The following DOCK7 variants were observed in gnomAD, a reference collection of about 807,000 sequenced individuals.
The protein encoded by DOCK7 is dedicator of cytokinesis protein 7.
A neutral mutation model predicts 271.0 loss-of-function variants in DOCK7; 138 were observed. The observed-to-expected ratio is 0.51, with a 90% CI of 0.44 to 0.59. DOCK7 has a LOEUF of 0.59. Among genes scored for constraint, DOCK7 ranks in the 20% least tolerant of loss-of-function variants. The probability of loss-of-function intolerance (pLI) is 0.00; values close to 1 mark genes in which losing one functional copy is unlikely to be tolerated. For missense variants in DOCK7, 2,066 were observed against 2,592.4 expected, an observed-to-expected ratio of 0.80 and a Z score of 4.41; for synonymous variants, 823 against 876.1, an observed-to-expected ratio of 0.94 and a Z score of 1.07.
chr1:62,598,902 G>A lies in DOCK7; in HGVS notation c.1683-12278C>T, dbSNP rs1022313444. On this transcript the variant is annotated intron_variant, in intron 14 of 49. Transcript: ENST00000635253. ...TTTACAAGCTTTAACTGGATCATGAGTAAAATTATCACATCAGCATAACTG... is the reference window on the plus strand; with the variant it reads ...TTTACAAGCTTTAACTGGATCATGAATAAAATTATCACATCAGCATAACTG... The A allele has an allele frequency of 7.7e-6, 6 of 780,010 alleles. No homozygotes were observed. The African/African-American group carries it at 1.0e-4, about 14-fold the overall frequency. The allele number at this position is 780,010 out of a possible 1,614,324, so 48.3% of individuals were successfully genotyped here.
intron 6 of DOCK7, 93 bp from the exon 7 acceptor site, chr1:62,647,869 T>C: frequency 2.0e-6 from 2 of 988,916 alleles, no homozygotes; most frequent in Non-Finnish European, 3.1e-6. Context: ...CTAACACTTT[T>C]AGTCTTCACA....
intron 48 of DOCK7, among the ~76,000 whole-genome samples, chr1:62,472,771 G>T (rs962102040): frequency 6.6e-6 from 1 of 152,176 alleles, no homozygotes; most frequent in African/African-American, 2.4e-5. Context: ...CAGTTCACCT[G>T]CTAAATACTT....
At chr1:62,564,372 C>T (rs923465113) in intron 18 of DOCK7, among the ~76,000 whole-genome samples, 3 of 152,096 alleles carry the variant, frequency 2.0e-5, no homozygotes, top group Admixed American at 6.6e-5. Flanking sequence ...TCTCTCAGAC[C>T]ACAGTGCAAT....
At chr1:62,669,931 G>C (rs573657563) in intron 1 of DOCK7, among the ~76,000 whole-genome samples, 1 of 152,258 alleles carries the variant, frequency 6.6e-6, no homozygotes, top group Non-Finnish European at 1.5e-5. Flanking sequence ...CGGCACTTGC[G>C]GGCCAGCTGG....
intron 1 of DOCK7, among the ~76,000 whole-genome samples, chr1:62,675,873 T>C (rs756843040): frequency 6.6e-6 from 1 of 152,098 alleles, no homozygotes. Context: ...AGAATGTCTA[T>C]AATCAAAGAG....
At chr1:62,486,581 G>A (rs1255414762) in intron 43 of DOCK7, 3 of 151,816 alleles carry the variant, frequency 2.0e-5, no homozygotes, top group Non-Finnish European at 4.4e-5. Flanking sequence ...CATTTTTTTC[G>A]GGTAAGATTG....
At chr1:62,558,174 C>G (rs1429323886) in intron 20 of DOCK7, among the ~76,000 whole-genome samples, 1 of 152,106 alleles carries the variant, frequency 6.6e-6, no homozygotes, top group African/African-American at 2.4e-5. Flanking sequence ...ATTCCTCCCC[C>G]AAATTCATTC....
At position 62,544,744 on chromosome 1, in the gene DOCK7, A is replaced by G. The variant is rs544859351; in HGVS notation, c.2859+203T>C. Reference sequence around the variant, plus strand: ...TGTGTAAGGAAGAAAGAAGACAGAGATAGGAAATAGGAAAGAAGAACATTA... The same window carrying G: ...TGTGTAAGGAAGAAAGAAGACAGAGGTAGGAAATAGGAAAGAAGAACATTA... On this transcript the variant is annotated intron_variant, in intron 23 of 49. Coordinates refer to ENST00000635253, the MANE Select transcript of DOCK7 (RefSeq NM_001367561.1). 2.6e-5 allele frequency among the ~76,000 whole-genome samples: 4 copies of G among 152,322 alleles called. No individual in the cohort carries two copies. In the South Asian group the frequency reaches 8.3e-4, roughly 32 times the overall value.
intron 1 of DOCK7, among the ~76,000 whole-genome samples, chr1:62,686,693 C>T (rs894120760): frequency 2.0e-5 from 3 of 152,120 alleles, no homozygotes; most frequent in Non-Finnish European, 4.4e-5. Flanking sequence ...GAGCTGGGTC[C>T]TATTATTATT....
chr1:62,652,963 A>G (rs1421505916), intron 4 of DOCK7, among the ~76,000 whole-genome samples: 2 of 152,220 alleles, frequency 1.3e-5, no homozygotes, highest in Non-Finnish European at 2.9e-5. Flanking sequence ...TAAGACAGCC[A>G]TGAGGGCAAA....
At chr1:62,466,746 A>C (rs1645688330) in intron 48 of DOCK7, among the ~76,000 whole-genome samples, 1 of 152,086 alleles carries the variant, frequency 6.6e-6, no homozygotes, top group South Asian at 2.1e-4. Context: ...AGCCTGACCA[A>C]CATGGCAAGA....
chr1:62,576,018 T>C (rs1247991635), intron 18 of DOCK7, among the ~76,000 whole-genome samples: 1 of 152,078 alleles, frequency 6.6e-6, no homozygotes, highest in Non-Finnish European at 1.5e-5. Flanking sequence ...GAAAAATGAA[T>C]GAAAGATTGG....
chr1:62,465,699 G>A (rs1645656840), intron 48 of DOCK7, among the ~76,000 whole-genome samples: 2 of 152,174 alleles, frequency 1.3e-5, no homozygotes, highest in South Asian at 4.1e-4. Context: ...TTACATGTGT[G>A]TGCCACCATA....
At chr1:62,492,437 A>G (rs1223264121) in intron 41 of DOCK7, 3 of 339,618 alleles carry the variant, frequency 8.8e-6, no homozygotes, top group African/African-American at 4.4e-5. Flanking sequence ...CACAGGCATG[A>G]GCCACCATGC....
Position 62,561,704 on chromosome 1 carries a change from C to A in DOCK7, c.2113-1G>T. The A allele has an allele frequency of 6.5e-7, 1 of 1,542,618 alleles. No homozygotes were observed. Among genetic ancestry groups the A allele is most frequent in the Non-Finnish European group, 8.7e-7 (1 of 1,151,078 alleles). On this transcript the variant is annotated splice_acceptor_variant, in intron 18 of 49. Transcript: ENST00000635253. LOFTEE classifies it high-confidence loss of function. ...CCCATTTCATGCCAGGTAGAGGAAC[C>A]TGTAAGATATTAAATATAATGATCA...
At position 62,555,860 on chromosome 1, in the gene DOCK7, C is replaced by T. The variant is rs370921127; in HGVS notation, c.2561G>A (p.Arg854His). 1.1e-5 allele frequency: 17 copies of T among 1,612,974 alleles called. No individual in the cohort carries two copies. The highest frequency in any genetic ancestry group is 1.7e-5 in the Admixed American group (1 of 59,814). Residue 854 changes from arginine (R) to histidine (H), a missense_variant, in exon 21 of 50, where the codon CGC (arginine) becomes CAC (histidine). Transcript: ENST00000635253. ...LLASYIHYVF[R>H]LPNTYPNSSS... ...TGAATTAGGGTAAGTATTTGGTAGG[C>T]GGAAAACATAATGAATATATGATGC...
intron 41 of DOCK7, among the ~76,000 whole-genome samples, chr1:62,491,770 G>C (rs1646472840): frequency 6.6e-6 from 1 of 152,208 alleles, no homozygotes; most frequent in Non-Finnish European, 1.5e-5. Context: ...CTACCAACTA[G>C]GAACTTATAT....
At chr1:62,674,009 T>C (rs971488318) in intron 1 of DOCK7, among the ~76,000 whole-genome samples, 1 of 151,504 alleles carries the variant, frequency 6.6e-6, no homozygotes, top group African/African-American at 2.4e-5. Context: ...AAGGAAGAAA[T>C]AAAACTGTCT....
intron 43 of DOCK7, among the ~76,000 whole-genome samples, chr1:62,479,249 A>C (rs562861093): frequency 1.4e-5 from 2 of 146,796 alleles, no homozygotes; most frequent in Non-Finnish European, 3.0e-5. Context: ...GGAAGCTCTA[A>C]TCCTTAATTT....
Sources: gnomAD v4.1 joint callset for allele counts (sites outside exome capture counted in the v4.1 genomes callset) on GRCh38, gnomAD v4.1.1 for gene constraint, MANE v1.5 for transcripts, NCBI Gene and HGNC (gene_info 2026-07-23, HGNC 2026-07-21) for gene names.